CELF2: variants seen among roughly 807,000 people sequenced by gnomAD.
The protein encoded by CELF2 is CUGBP Elav-like family member 2, also known as CUG triplet repeat RNA-binding protein 2.
A neutral mutation model predicts 62.6 loss-of-function variants in CELF2; 8 were observed. That is an observed-to-expected ratio of 0.13 (90% CI 0.07 to 0.23). The LOEUF (loss-of-function observed/expected upper bound fraction) is 0.23. CELF2 is among the 10% of genes least tolerant of loss of function. The pLI, the probability that CELF2 is intolerant of heterozygous loss-of-function variation, is 1.00. For missense variants in CELF2, 333 were observed against 671.0 expected, an observed-to-expected ratio of 0.50 and a Z score of 5.56; for synonymous variants, 258 against 250.0, an observed-to-expected ratio of 1.03 and a Z score of -0.30.
the CELF2 span, among the ~76,000 whole-genome samples, chr10:10,553,736 C>T: frequency 0.012 from 1,757 of 152,122 alleles, 65 homozygotes; most frequent in East Asian, 0.098. Context: ...AGAGGATTTG[C>T]GGCAGAGAAC....
At chr10:10,545,942 C>A in the CELF2 span, among the ~76,000 whole-genome samples, 305 of 152,240 alleles carry the variant, frequency 2.0e-3, no homozygotes, top group African/African-American at 7.0e-3. Flanking sequence ...GTGGGGATAG[C>A]TCCTCCTCAG....
rs2277214 is a variant in CELF2 at position 11,288,562 on chromosome 10, G to A, written c.976+10G>A. 0.68 allele frequency: 1,101,190 copies of A among 1,612,346 alleles called. 385,715 individuals are homozygous for A. The highest frequency in any genetic ancestry group is 0.73 in the Non-Finnish European group (863,264 of 1,179,494). ...GCCCTCACGAGTCCCGGTGAGTGTGGGGGGTGCTCTTCCCTTGCAGGTGAT... is the reference window on the plus strand; with the variant it reads ...GCCCTCACGAGTCCCGGTGAGTGTGAGGGGTGCTCTTCCCTTGCAGGTGAT... On this transcript the variant is annotated intron_variant, in intron 9 of 12. Transcript: ENST00000633077.
the CELF2 span, among the ~76,000 whole-genome samples, chr10:10,738,616 G>A: frequency 2.6e-5 from 4 of 152,154 alleles, no homozygotes; most frequent in East Asian, 1.9e-4. Context: ...CATACAACCC[G>A]AGGTTTTGAG....
chr10:10,536,308 A>G, the CELF2 span, among the ~76,000 whole-genome samples: 896 of 152,248 alleles, frequency 5.9e-3, 7 homozygotes, highest in African/African-American at 0.017. Flanking sequence ...ATGAGCCACC[A>G]TGCCCAGACA....
chr10:10,895,434 C>T (rs1172188913), intron 1 of CELF2, among the ~76,000 whole-genome samples: 1 of 152,120 alleles, frequency 6.6e-6, no homozygotes, highest in Non-Finnish European at 1.5e-5. Context: ...TGGCCGTTTT[C>T]ACCTTGTTGC....
intron 9 of CELF2, among the ~76,000 whole-genome samples, chr10:11,294,240 C>T (rs540428930): frequency 6.6e-6 from 1 of 152,320 alleles, no homozygotes; most frequent in South Asian, 2.1e-4. Flanking sequence ...GCTTTTGAAA[C>T]ATAACATCAT....
chr10:10,707,854 T>G, the CELF2 span, among the ~76,000 whole-genome samples: 1 of 152,170 alleles, frequency 6.6e-6, no homozygotes, highest in East Asian at 1.9e-4. Context: ...AAATTCACCC[T>G]TTGCTAAATT....
At chr10:10,809,522 CT>C (rs915241864) in intron 1 of CELF2, among the ~76,000 whole-genome samples, 4 of 152,312 alleles carry the variant, frequency 2.6e-5, no homozygotes, top group Admixed American at 6.5e-5. Context: ...CAAAATTTCT[CT>C]TTTCCTTAGC....
intron 2 of CELF2, among the ~76,000 whole-genome samples, chr10:11,182,165 T>G (rs2073626059): frequency 6.6e-6 from 1 of 152,212 alleles, no homozygotes; most frequent in African/African-American, 2.4e-5. Context: ...CCCGCCAGAC[T>G]TACAGATGTT....
At chr10:10,885,313 G>A (rs1168032798) in intron 1 of CELF2, among the ~76,000 whole-genome samples, 1 of 151,898 alleles carries the variant, frequency 6.6e-6, no homozygotes, top group Non-Finnish European at 1.5e-5. Context: ...TCACGCTAGT[G>A]TATATGCTGG....
At chr10:10,919,447 C>T (rs2064671773) in intron 1 of CELF2, among the ~76,000 whole-genome samples, 1 of 152,118 alleles carries the variant, frequency 6.6e-6, no homozygotes, top group African/African-American at 2.4e-5. Context: ...AATGGTAGAA[C>T]TTTATAACAA....
the CELF2 span, among the ~76,000 whole-genome samples, chr10:10,615,620 C>CAA: frequency 2.0e-5 from 3 of 152,072 alleles, no homozygotes; most frequent in African/African-American, 7.3e-5. Context: ...ACCACGGGGG[C>CAA]AGATTTCCCC....
the CELF2 span, among the ~76,000 whole-genome samples, chr10:10,659,327 A>G: frequency 6.6e-6 from 1 of 152,320 alleles, no homozygotes; most frequent in East Asian, 1.9e-4. Flanking sequence ...TCTTTAATAA[A>G]ATATTTATGT....
chr10:11,119,868 C>CT (rs1447716945), intron 1 of CELF2, among the ~76,000 whole-genome samples: 2 of 130,864 alleles, frequency 1.5e-5, no homozygotes, highest in African/African-American at 5.6e-5. Context: ...TCCGCCTCCC[C>CT]CCCCCCGGCC....
Position 11,078,666 on chromosome 10 carries a change from T to C in CELF2, c.74+60503T>C, listed in dbSNP as rs1440867202. On this transcript the variant is annotated intron_variant, in intron 1 of 12. Coordinates refer to ENST00000633077, the MANE Select transcript of CELF2 (RefSeq NM_001326342.2). ...AGCTTAATGGGTGAATGAATAATTA[T>C]GTCAGATTAGAAAAGAGTGGGCGGT... is the stretch of plus-strand genomic sequence containing the variant. 3.3e-5 allele frequency among the ~76,000 whole-genome samples: 5 copies of C among 152,230 alleles called. No individual in the cohort carries two copies. In the South Asian group the frequency reaches 8.3e-4, roughly 25 times the overall value.
the CELF2 span, among the ~76,000 whole-genome samples, chr10:10,686,310 T>TC: frequency 1.4e-5 from 1 of 69,756 alleles, no homozygotes; most frequent in African/African-American, 4.8e-5. Flanking sequence ...TTGGATTTTT[T>TC]GGGGGGGGGG....
intron 1 of CELF2, among the ~76,000 whole-genome samples, chr10:10,916,486 A>C (rs1256776020): frequency 6.6e-6 from 1 of 152,202 alleles, no homozygotes; most frequent in African/African-American, 2.4e-5. Flanking sequence ...ACTTTTCCCC[A>C]GCATCTATCT....
chr10:11,119,871 C>G (rs1004203859), intron 1 of CELF2, among the ~76,000 whole-genome samples: 4 of 135,018 alleles, frequency 3.0e-5, no homozygotes, highest in South Asian at 2.4e-4. Flanking sequence ...GCCTCCCCCC[C>G]CCCGGCCCCC....
At chr10:10,808,716 GA>G (rs1213218836) in intron 1 of CELF2, among the ~76,000 whole-genome samples, 1 of 152,116 alleles carries the variant, frequency 6.6e-6, no homozygotes, top group Non-Finnish European at 1.5e-5. Context: ...ACTAATCAGA[GA>G]CACGGTAAAG....
Sources: gnomAD v4.1 joint callset for allele counts (sites outside exome capture counted in the v4.1 genomes callset) on GRCh38, gnomAD v4.1.1 for gene constraint, MANE v1.5 for transcripts, NCBI Gene and HGNC (gene_info 2026-07-23, HGNC 2026-07-21) for gene names.